Variants in TAOK3 observed in about 807,000 individuals in gnomAD.
TAOK3 encodes TAO kinase 3.
Under a neutral mutation model 120.4 loss-of-function variants are expected in TAOK3, and 40 were observed. That is an observed-to-expected ratio of 0.33 (90% confidence interval 0.26 to 0.43). The LOEUF is 0.43. Among genes scored for constraint, TAOK3 ranks in the 20% least tolerant of loss-of-function variants. TAOK3 has a pLI of 1.00. For missense variants in TAOK3, 821 were observed against 1,112.1 expected, an observed-to-expected ratio of 0.74 and a Z score of 3.72; for synonymous variants, 355 against 387.5, an observed-to-expected ratio of 0.92 and a Z score of 0.99.
chr12:118,364,348 A>G (rs1178962971), intron 1 of TAOK3, among the ~76,000 whole-genome samples: 1 of 151,996 alleles, frequency 6.6e-6, no homozygotes, highest in African/African-American at 2.4e-5. Context: ...GCACCTTATT[A>G]AGGCCCTCGT....
intron 1 of TAOK3, among the ~76,000 whole-genome samples, chr12:118,353,380 G>C (rs989120426): frequency 2.0e-5 from 3 of 152,106 alleles, no homozygotes; most frequent in African/African-American, 7.2e-5. Flanking sequence ...ACTTGAATGA[G>C]TTTGGTGTGT....
intron 13 of TAOK3, among the ~76,000 whole-genome samples, chr12:118,195,396 G>A (rs563963816): frequency 2.6e-5 from 4 of 152,324 alleles, no homozygotes; most frequent in African/African-American, 9.6e-5. Context: ...TATACACAAT[G>A]ATTTTAAGGA....
chr12:118,164,167 CA>C (rs924903211), intron 17 of TAOK3, among the ~76,000 whole-genome samples: 12 of 145,866 alleles, frequency 8.2e-5, no homozygotes, highest in Admixed American at 2.7e-4. Context: ...CTTAAAAATA[CA>C]AAAAAAAAAT....
chr12:118,189,856 A>C lies in TAOK3; in HGVS notation c.1280T>G (p.Leu427Arg). Residue 427 changes from leucine to arginine, a missense_variant, in exon 14 of 21, where the codon CTC (leucine) becomes CGC (arginine). Around this residue, in one of 2 missense-constraint regions of TAOK3, gnomAD observed 467 missense variants for 540.0 expected, o/e 0.86. Transcript: ENST00000392533. Reference protein sequence around the residue: ...RPTQSVQSQALHYRNRERFAT... With the variant: ...RPTQSVQSQARHYRNRERFAT... Reference sequence around the variant, plus strand: ...AAAGCGCTCTCTGTTCCGGTAGTGGAGGGCCTGGCTCTGAACTGACTGGGT... The same window carrying C: ...AAAGCGCTCTCTGTTCCGGTAGTGGCGGGCCTGGCTCTGAACTGACTGGGT... 1 of 1,614,196 alleles carries C rather than the reference A, an allele frequency of 6.2e-7. No individual in the cohort carries two copies. The highest frequency in any genetic ancestry group is 8.5e-7 in the Non-Finnish European group (1 of 1,180,044).
chr12:118,162,174 G>C, intron 17 of TAOK3, 147 bp from the exon 18 acceptor site: 1 of 1,066,522 alleles, frequency 9.4e-7, no homozygotes, highest in East Asian at 2.5e-5. Flanking sequence ...GACTTAATGA[G>C]ATTAAATTAA....
chr12:118,225,344 A>T (rs1216307976), intron 9 of TAOK3, among the ~76,000 whole-genome samples: 1 of 151,940 alleles, frequency 6.6e-6, no homozygotes, highest in Non-Finnish European at 1.5e-5. Context: ...AAAATAGCAA[A>T]ATCATTGCTT....
At chr12:118,225,123 C>T (rs572824563) in intron 9 of TAOK3, among the ~76,000 whole-genome samples, 2 of 151,656 alleles carry the variant, frequency 1.3e-5, no homozygotes, top group South Asian at 4.2e-4. Context: ...TGGTGGGTGC[C>T]TGTAATCCCA....
rs189903697 is a variant in TAOK3 at position 118,154,998 on chromosome 12, T to C, written c.2353-2589A>G. ...CCTGGTGCCTGGTTTTGTAAATATA[T>C]ATATATATTTTTTTTTGAGATGGAG... On this transcript the variant is annotated intron_variant, in intron 19 of 20. Coordinates refer to ENST00000392533, the MANE Select transcript of TAOK3 (RefSeq NM_016281.4). Among the ~76,000 whole-genome samples the C allele has an allele frequency of 3.4e-3, 489 of 145,140 alleles. 4 individuals are homozygous for C. The highest frequency in any genetic ancestry group is 0.012 in the African/African-American group (469 of 38,376).
chr12:118,220,963 G>A (rs2039201441), intron 9 of TAOK3, among the ~76,000 whole-genome samples: 1 of 152,222 alleles, frequency 6.6e-6, no homozygotes, highest in African/African-American at 2.4e-5. Flanking sequence ...GCTCACTGCT[G>A]AGCCAGAATA....
chr12:118,221,991 G>C (rs556630915), intron 9 of TAOK3, among the ~76,000 whole-genome samples: 8 of 150,968 alleles, frequency 5.3e-5, no homozygotes, highest in African/African-American at 2.0e-4. Flanking sequence ...CGTTGAGCTA[G>C]CTACATTAAA....
At position 118,160,116 on chromosome 12, in the gene TAOK3, G is replaced by A. The variant is rs765496902; in HGVS notation, c.2352+30C>T. On this transcript the variant is annotated intron_variant, in intron 19 of 20. Coordinates refer to ENST00000392533, the MANE Select transcript of TAOK3 (RefSeq NM_016281.4). This position sits in a 1 kb window ranked among gnomAD's most constrained non-coding sequence, Gnocchi z 4.2. Reference sequence around the variant, plus strand: ...GATTTTCTTGATTCCCAAAGCTCTCGAAGCCGTGGCACCAAACCTAACCAC... The same window carrying A: ...GATTTTCTTGATTCCCAAAGCTCTCAAAGCCGTGGCACCAAACCTAACCAC... 4 of 1,548,310 alleles carry A rather than the reference G, an allele frequency of 2.6e-6. No homozygotes were observed. The highest frequency in any genetic ancestry group is 2.7e-5 in the African/African-American group (2 of 73,510).
intron 1 of TAOK3, among the ~76,000 whole-genome samples, chr12:118,368,134 GC>G (rs1312540464): frequency 6.6e-6 from 1 of 152,196 alleles, no homozygotes; most frequent in Non-Finnish European, 1.5e-5. Flanking sequence ...AAAAGACCTT[GC>G]AATGTGTGGC....
At chr12:118,289,173 C>T (rs1030999495) in intron 1 of TAOK3, among the ~76,000 whole-genome samples, 15 of 151,250 alleles carry the variant, frequency 9.9e-5, no homozygotes, top group South Asian at 4.2e-4. Context: ...TGGTGGCATG[C>T]GCCTATAATC....
At chr12:118,338,960 G>A (rs1458751659) in intron 1 of TAOK3, among the ~76,000 whole-genome samples, 1 of 152,088 alleles carries the variant, frequency 6.6e-6, no homozygotes, top group Non-Finnish European at 1.5e-5. Context: ...ACATTCAAAT[G>A]CACAATGTGA....
At chr12:118,306,114 A>C (rs1431574195) in intron 1 of TAOK3, among the ~76,000 whole-genome samples, 1 of 152,098 alleles carries the variant, frequency 6.6e-6, no homozygotes, top group African/African-American at 2.4e-5. Flanking sequence ...TTTCTCTTAA[A>C]GCTCGACCAC....
chr12:118,231,291 T>C (rs964702394), intron 9 of TAOK3, among the ~76,000 whole-genome samples: 22 of 152,150 alleles, frequency 1.4e-4, no homozygotes, highest in Non-Finnish European at 2.9e-5. Flanking sequence ...GTATGTCTTT[T>C]TATGTTTTCT....
chr12:118,182,747 C>A (rs2036843140), intron 14 of TAOK3, among the ~76,000 whole-genome samples: 1 of 150,718 alleles, frequency 6.6e-6, no homozygotes, highest in African/African-American at 2.4e-5. Flanking sequence ...TCTCTTAAAT[C>A]ATGTCTCCCC....
At chr12:118,310,291 G>A (rs1480181385) in intron 1 of TAOK3, among the ~76,000 whole-genome samples, 1 of 152,152 alleles carries the variant, frequency 6.6e-6, no homozygotes, top group Non-Finnish European at 1.5e-5. Flanking sequence ...GTGAGACTGT[G>A]TCTCATAAAT....
At chr12:118,292,038 A>C (rs1645606425) in intron 1 of TAOK3, among the ~76,000 whole-genome samples, 3 of 151,934 alleles carry the variant, frequency 2.0e-5, no homozygotes, top group African/African-American at 4.8e-5. Flanking sequence ...TGATCTCCTG[A>C]CCTCGTGATC....
Sources: gnomAD v4.1 joint callset for allele counts (sites outside exome capture counted in the v4.1 genomes callset) on GRCh38, gnomAD v4.1.1 for gene constraint, gnomAD v4.1.1 regional missense constraint, Gnocchi (gnomAD v3.1) non-coding constraint, MANE v1.5 for transcripts, NCBI Gene and HGNC (gene_info 2026-07-23, HGNC 2026-07-21) for gene names.